Variants in CROCC observed in about 807,000 individuals in gnomAD.
CROCC encodes rootletin.
A neutral mutation model predicts 245.2 loss-of-function variants in CROCC; 180 were observed. The ratio of observed to expected loss-of-function variants is 0.73; its 90% CI spans 0.65 to 0.83. The LOEUF (loss-of-function observed/expected upper bound fraction) is 0.83. Among genes scored for constraint, CROCC ranks in the 40% least tolerant of loss-of-function variants. The probability of loss-of-function intolerance (pLI) is 0.00; values close to 1 mark genes in which losing one functional copy is unlikely to be tolerated. For missense variants in CROCC, 2,688 were observed against 2,779.4 expected, an observed-to-expected ratio of 0.97 and a Z score of 0.74; for synonymous variants, 1,205 against 1,241.6, an observed-to-expected ratio of 0.97 and a Z score of 0.62.
chr1:16,919,393 T>C (rs1454775001), upstream of CROCC, among the ~76,000 whole-genome samples: 1 of 152,238 alleles, frequency 6.6e-6, no homozygotes, highest in Non-Finnish European at 1.5e-5. Flanking sequence ...TGGAAATAGG[T>C]TGAAGTAAGG....
intron 19 of CROCC, among the ~76,000 whole-genome samples, 153 bp downstream of exon 19, chr1:16,949,079 C>A: frequency 6.6e-6 from 1 of 152,286 alleles, no homozygotes; most frequent in East Asian, 1.9e-4. Context: ...TCTCACCTTC[C>A]CTTGAGCAAG....
chr1:16,972,290 C>A, intron 36 of CROCC, 70 bp from the exon 37 acceptor site: 1 of 1,235,122 alleles, frequency 8.1e-7, no homozygotes, highest in Non-Finnish European at 1.2e-6. Context: ...CCTCCGGGTT[C>A]CCTGCTGCCT....
At chr1:16,936,904 G>A (rs1166146006) in intron 9 of CROCC, 31 bp downstream of exon 9, 1 of 1,585,458 alleles carries the variant, frequency 6.3e-7, no homozygotes, top group East Asian at 2.2e-5. Flanking sequence ...GCACGAGGCA[G>A]GCGTCCCTGC....
At chr1:16,920,610 T>G (rs1202452679), upstream of CROCC, among the ~76,000 whole-genome samples, 5 of 152,262 alleles carry the variant, frequency 3.3e-5, no homozygotes, top group Non-Finnish European at 7.3e-5. Context: ...ACATGCAACC[T>G]CAGACCTGAT....
Position 16,938,927 on chromosome 1 carries a change from G to T in CROCC, c.1393G>T (p.Glu465Ter). ...CCCTCAGGCCGTCTTGTCAGACTCTGAGAGCGGCGTCCAGCTGAGCGGCTC... is the reference window on the plus strand; with the variant it reads ...CCCTCAGGCCGTCTTGTCAGACTCTTAGAGCGGCGTCCAGCTGAGCGGCTC... ...DLAQAVLSDS[E>*]SGVQLSGSER... Residue 465 changes from glutamate to a stop codon, truncating the protein, a stop_gained, in exon 12 of 37, where the codon GAG becomes TAG. Coordinates refer to ENST00000375541, the MANE Select transcript of CROCC (RefSeq NM_014675.5). LOFTEE classifies it high-confidence loss of function. The T allele has an allele frequency of 6.2e-7, 1 of 1,603,150 alleles. No individual in the cohort carries two copies. Among genetic ancestry groups the T allele is most frequent in the Non-Finnish European group, 8.5e-7 (1 of 1,177,076 alleles).
intron 35 of CROCC, among the ~76,000 whole-genome samples, chr1:16,971,120 G>A (rs2076510174): frequency 6.6e-6 from 1 of 152,152 alleles, no homozygotes; most frequent in Non-Finnish European, 1.5e-5. Context: ...CATGCATGGG[G>A]GAGTTGGGCC....
intron 27 of CROCC, among the ~76,000 whole-genome samples, chr1:16,964,515 A>C (rs1345206966): frequency 1.3e-5 from 2 of 151,788 alleles, no homozygotes; most frequent in African/African-American, 4.8e-5. Context: ...CAGCCTCCTG[A>C]GTAGCTGGGA....
At chr1:16,924,940 C>A (rs567299536) in intron 3 of CROCC, among the ~76,000 whole-genome samples, 2 of 152,284 alleles carry the variant, frequency 1.3e-5, no homozygotes. Context: ...GCCACAAGAC[C>A]TGCCGCCACT....
chr1:16,938,553 G>A lies in CROCC; in HGVS notation c.1374+70G>A, dbSNP rs1266264104. ...CCCAGGCTCCCCCGCCACGTCTTTC[G>A]GTGACCTGGGACTGAACTGCAAATG... is the stretch of plus-strand genomic sequence containing the variant. On this transcript the variant is annotated intron_variant, in intron 11 of 36. Coordinates refer to ENST00000375541, the MANE Select transcript of CROCC (RefSeq NM_014675.5). 2.4e-5 allele frequency: 33 copies of A among 1,402,220 alleles called. 1 individual carries two copies. The highest frequency in any genetic ancestry group is 3.8e-5 in the South Asian group (3 of 78,212). 86.9% of individuals were successfully genotyped at this position (1,402,220 alleles called of 1,614,324 possible). A position where few individuals can be genotyped will look rare whatever the true frequency, so the allele number is the denominator to read the frequency against.
intron 12 of CROCC, 43 bp downstream of exon 12, chr1:16,939,185 G>C (rs1409627088): frequency 1.8e-5 from 25 of 1,398,258 alleles, no homozygotes; most frequent in African/African-American, 4.5e-5. Flanking sequence ...CAGAGGCCTG[G>C]GGGAGGGGCT....
intron 8 of CROCC, among the ~76,000 whole-genome samples, chr1:16,935,254 A>ATC (rs1206476665): frequency 2.0e-5 from 3 of 152,236 alleles, no homozygotes; most frequent in Non-Finnish European, 4.4e-5. Flanking sequence ...AATAAAGCAG[A>ATC]TCACACACAC....
rs2076028555 is a variant in CROCC, at chr1:16,945,625, C to T, written c.2136+19C>T. The T allele has an allele frequency of 1.2e-6, 2 of 1,609,944 alleles. No homozygotes were observed. Among genetic ancestry groups the T allele is most frequent in the African/African-American group, 2.7e-5 (2 of 74,932 alleles). ...GACCAAGGTGGGTCCCTGTCTGCTGCACAACCACAAACCTACCTCTGACCC... is the reference window on the plus strand; with the variant it reads ...GACCAAGGTGGGTCCCTGTCTGCTGTACAACCACAAACCTACCTCTGACCC... On this transcript the variant is annotated intron_variant, in intron 15 of 36. Coordinates refer to ENST00000375541, the MANE Select transcript of CROCC (RefSeq NM_014675.5).
chr1:16,954,840 G>A lies in CROCC; in HGVS notation c.3428G>A (p.Arg1143Gln), dbSNP rs990265471. 29 of 1,546,046 alleles carry A rather than the reference G, an allele frequency of 1.9e-5. No individual in the cohort carries two copies. Among genetic ancestry groups the A allele is most frequent in the Middle Eastern group, 1.7e-4 (1 of 5,988 alleles). ...QEVRRLQEQA[R>Q]DLGKQRDSCL... is the part of the protein sequence containing the mutation. The stretch of plus-strand genomic sequence containing the variant: ...GTGAGGAGGCTGCAAGAGCAGGCCC[G>A]AGACCTGGGCAAGCAGCGGGACTCC... Residue 1143 changes from arginine (R) to glutamine (Q), a missense_variant, in exon 23 of 37, where the codon CGA becomes CAA. Around this residue, in one of 9 missense-constraint regions of CROCC, gnomAD observed 1,218 missense variants for 1,286.3 expected, o/e 0.95. Coordinates refer to ENST00000375541, the MANE Select transcript of CROCC (RefSeq NM_014675.5). This position sits in a 1 kb window ranked among gnomAD's most constrained non-coding sequence, Gnocchi z 4.4.
intron 27 of CROCC, among the ~76,000 whole-genome samples, chr1:16,963,483 T>C (rs547088694): frequency 1.3e-5 from 2 of 152,266 alleles, no homozygotes; most frequent in Admixed American, 6.5e-5. Context: ...GATGGGACCT[T>C]CTAGAGCTGG....
chr1:16,960,615 G>T, intron 26 of CROCC, 143 bp from the exon 27 acceptor site: 1 of 1,149,694 alleles, frequency 8.7e-7, no homozygotes, highest in Non-Finnish European at 1.1e-6. Flanking sequence ...TTTTTGCACC[G>T]CCTGCTTGAG....
intron 17 of CROCC, among the ~76,000 whole-genome samples, chr1:16,947,468 CAATAATAAT>C (rs71006403): frequency 1.8e-3 from 263 of 147,478 alleles, no homozygotes; most frequent in African/African-American, 4.0e-3. Flanking sequence ...GACTCCGTCT[CAATAATAAT>C]AATAATAATA....
chr1:16,970,567 G>A, intron 34 of CROCC, 69 bp from the exon 35 acceptor site: 2 of 1,478,746 alleles, frequency 1.4e-6, no homozygotes, highest in Non-Finnish European at 1.8e-6. Flanking sequence ...TTCCATCAGG[G>A]TTCAGGAACC....
chr1:16,922,107 T>C, intron 1 of CROCC, 29 bp downstream of exon 1: 1 of 1,523,242 alleles, frequency 6.6e-7, no homozygotes, highest in Non-Finnish European at 8.8e-7. Context: ...GCCCACCCTG[T>C]CTGGGGCGGG....
Position 16,924,615 on chromosome 1 carries a change from G to C in CROCC, c.351+136G>C, listed in dbSNP as rs1287192827. The stretch of plus-strand genomic sequence containing the variant: ...TGGCCTGGGCTTGGATTGAGGCTCT[G>C]CCACCTTGAGTGGCGTTGAGCAAAT... On this transcript the variant is annotated intron_variant, in intron 3 of 36. Coordinates refer to ENST00000375541, the MANE Select transcript of CROCC (RefSeq NM_014675.5). 5.9e-6 allele frequency: 7 copies of C among 1,195,214 alleles called. No individual in the cohort carries two copies. In the African/African-American group the frequency reaches 1.0e-4, roughly 18 times the overall value. The allele number at this position is 1,195,214 out of a possible 1,614,324, so 74.0% of individuals were successfully genotyped here. A position where few individuals can be genotyped will look rare whatever the true frequency, so the allele number is the denominator to read the frequency against.
Sources: gnomAD v4.1 joint callset for allele counts (sites outside exome capture counted in the v4.1 genomes callset) on GRCh38, gnomAD v4.1.1 for gene constraint, gnomAD v4.1.1 regional missense constraint, Gnocchi (gnomAD v3.1) non-coding constraint, MANE v1.5 for transcripts, NCBI Gene and HGNC (gene_info 2026-07-23, HGNC 2026-07-21) for gene names.